Variants in IGSF10 observed in about 807,000 individuals in gnomAD.
IGSF10 encodes calvaria mechanical force protein 608.
In IGSF10, 126 loss-of-function variants were observed where a neutral mutation model predicts 128.2. The ratio of observed to expected loss-of-function variants is 0.98; its 90% CI spans 0.85 to 1.14. The LOEUF (loss-of-function observed/expected upper bound fraction) is 1.14, where lower values mean the gene tolerates loss of function less well. Ranked by LOEUF, IGSF10 falls within the 50% of genes most tolerant of loss-of-function variation. The probability of loss-of-function intolerance (pLI) is 0.00; values close to 1 mark genes in which losing one functional copy is unlikely to be tolerated. For synonymous variants in IGSF10, 1,185 were observed against 1,146.2 expected, an observed-to-expected ratio of 1.03 and a Z score of -0.68; for missense variants, 3,295 against 3,149.8, an observed-to-expected ratio of 1.05 and a Z score of -1.10.
chr3:151,485,248 A>G, the IGSF10 span, among the ~76,000 whole-genome samples: 125,318 of 151,862 alleles, frequency 0.83, 51,773 homozygotes, highest in Middle Eastern at 0.94. Flanking sequence ...GACATGATTA[A>G]AAAAAAAAGA....
the IGSF10 span, among the ~76,000 whole-genome samples, chr3:151,543,933 G>C: frequency 1.3e-5 from 2 of 152,104 alleles, no homozygotes; most frequent in African/African-American, 2.4e-5. Context: ...TTATTGAGAC[G>C]GAGTTTTACT....
downstream of IGSF10, chr3:151,433,974 A>G (rs557495897): frequency 4.6e-5 from 7 of 152,762 alleles, no homozygotes; most frequent in African/African-American, 1.7e-4. Context: ...ATTTGCTCCT[A>G]TTAGAGTAAA....
chr3:151,505,468 G>GA, the IGSF10 span, among the ~76,000 whole-genome samples: 18 of 152,180 alleles, frequency 1.2e-4, no homozygotes, highest in East Asian at 1.9e-4. Flanking sequence ...ATTTAGTGAG[G>GA]AAAAAAATCA....
chr3:151,515,351 A>C, the IGSF10 span, among the ~76,000 whole-genome samples: 1 of 151,616 alleles, frequency 6.6e-6, no homozygotes, highest in Non-Finnish European at 1.5e-5. Context: ...CATCATTCTC[A>C]GCAAACTATC....
the IGSF10 span, among the ~76,000 whole-genome samples, chr3:151,540,746 C>T: frequency 1.3e-5 from 2 of 152,154 alleles, no homozygotes; most frequent in Admixed American, 1.3e-4. Context: ...TATACACCCA[C>T]CAGCAGTGTA....
Position 151,453,722 on chromosome 3 carries a change from T to TA in IGSF10, c.376dup (p.Tyr126LeufsTer17), listed in dbSNP as rs752110843. On this transcript the variant is annotated frameshift_variant, in exon 5 of 8. Coordinates refer to ENST00000282466, the MANE Select transcript of IGSF10 (RefSeq NM_178822.5). LOFTEE classifies it high-confidence loss of function. Reference sequence around the variant, plus strand: ...CAATCGTGTCAAGCTCCTGAGGCCATAAAAAGTATCTTTCTGAAGTTTTCG... The same window carrying TA: ...CAATCGTGTCAAGCTCCTGAGGCCATAAAAAAGTATCTTTCTGAAGTTTTCG... The TA allele has an allele frequency of 3.8e-6, 6 of 1,598,732 alleles. No homozygotes were observed. The South Asian group carries it at 5.7e-5, about 15-fold the overall frequency.
At chr3:151,591,413 T>C in the IGSF10 span, among the ~76,000 whole-genome samples, 1 of 146,992 alleles carries the variant, frequency 6.8e-6, no homozygotes, top group Non-Finnish European at 1.5e-5. Context: ...TATAAATATA[T>C]AATATATTTA....
At chr3:151,441,288 T>C (rs910792870) in intron 7 of IGSF10, among the ~76,000 whole-genome samples, 3 of 152,196 alleles carry the variant, frequency 2.0e-5, no homozygotes, top group African/African-American at 7.2e-5. Flanking sequence ...AAATAGAAGG[T>C]TTCCCAGAGT....
At chr3:151,561,223 A>C in the IGSF10 span, among the ~76,000 whole-genome samples, 1 of 152,136 alleles carries the variant, frequency 6.6e-6, no homozygotes, top group Non-Finnish European at 1.5e-5. Flanking sequence ...TACCCCTAAA[A>C]GTTTTTGATA....
the IGSF10 span, among the ~76,000 whole-genome samples, chr3:151,515,081 C>A: frequency 6.6e-6 from 1 of 152,086 alleles, no homozygotes; most frequent in Non-Finnish European, 1.5e-5. Context: ...GGATCTAGAA[C>A]TAGAAATACC....
the IGSF10 span, among the ~76,000 whole-genome samples, chr3:151,619,558 A>AT: frequency 6.6e-6 from 1 of 151,528 alleles, no homozygotes; most frequent in Non-Finnish European, 1.5e-5. Flanking sequence ...ATTTGTTTGT[A>AT]TTTTTTCCAG....
chr3:151,434,478 A>AAAACT (rs1719872389), downstream of IGSF10: 2 of 152,200 alleles, frequency 1.3e-5, no homozygotes, highest in East Asian at 3.9e-4. Flanking sequence ...CAAAACATTA[A>AAAACT]AAACTATTCT....
Position 151,455,116 on chromosome 3 carries a change from GT to G in IGSF10, c.325-1343del, listed in dbSNP as rs558135101. Among the ~76,000 whole-genome samples, 325 of 144,554 alleles carry G rather than the reference GT, an allele frequency of 2.2e-3. 2 individuals carry two copies. Among genetic ancestry groups the G allele is most frequent in the African/African-American group, 7.3e-3 (288 of 39,710 alleles). 94.8% of individuals were successfully genotyped at this position (144,554 alleles called of 152,430 possible). On this transcript the variant is annotated intron_variant, in intron 4 of 7. Coordinates refer to ENST00000282466, the MANE Select transcript of IGSF10 (RefSeq NM_178822.5). ...AAATAAAGTTTCTTTTTTGCGTTTT[GT>G]TTTTTTTTTTGAGATGGAGTTTCAC...
Position 151,447,905 on chromosome 3 carries a change from C to A in IGSF10, c.2076G>T (p.Glu692Asp). 1 of 1,614,058 alleles carries A rather than the reference C, an allele frequency of 6.2e-7. No homozygotes were observed. The change falls in exon 6 of 8, where the codon GAG (glutamate) becomes GAT (aspartate). Residue 692 changes from glutamate (E) to aspartate (D), a missense_variant. Coordinates refer to ENST00000282466, the MANE Select transcript of IGSF10 (RefSeq NM_178822.5). Reference protein sequence around the residue: ...DESNPIAHLKEPPGAQLRTSA... With the variant: ...DESNPIAHLKDPPGAQLRTSA... The stretch of plus-strand genomic sequence containing the variant: ...ATGTACGGAGTTGTGCACCTGGTGG[C>A]TCCTTAAGATGAGCAATAGGATTGG...
upstream of IGSF10, among the ~76,000 whole-genome samples, chr3:151,463,535 TTTTTTTTTTTTTTTTTTTTTTTTTTTC>T (rs1456424855): frequency 6.7e-4 from 35 of 52,158 alleles, 1 homozygote; most frequent in South Asian, 0.01. Context: ...TTTTTTTTTT[TTTTTTTTTTTTTTTTTTTTTTTTTTTC>T]TGAGACGGAG....
chr3:151,614,505 G>A, the IGSF10 span, among the ~76,000 whole-genome samples: 1 of 152,160 alleles, frequency 6.6e-6, no homozygotes, highest in Non-Finnish European at 1.5e-5. Context: ...AATATGATGA[G>A]TTCATGTCCT....
At chr3:151,575,029 G>T in the IGSF10 span, among the ~76,000 whole-genome samples, 1 of 152,304 alleles carries the variant, frequency 6.6e-6, no homozygotes, top group Non-Finnish European at 1.5e-5. Context: ...GACCCTGTTT[G>T]CCTGGGTATT....
chr3:151,516,649 A>G, the IGSF10 span, among the ~76,000 whole-genome samples: 1 of 151,906 alleles, frequency 6.6e-6, no homozygotes, highest in Non-Finnish European at 1.5e-5. Context: ...GAAGGGCATC[A>G]TTTGTTAAGT....
the IGSF10 span, among the ~76,000 whole-genome samples, chr3:151,544,772 G>A: frequency 6.7e-6 from 1 of 150,288 alleles, no homozygotes; most frequent in Non-Finnish European, 1.5e-5. Flanking sequence ...TATTATGCAT[G>A]CGATAGGCCC....
Sources: gnomAD v4.1 joint callset for allele counts (sites outside exome capture counted in the v4.1 genomes callset) on GRCh38, gnomAD v4.1.1 for gene constraint, MANE v1.5 for transcripts, NCBI Gene and HGNC (gene_info 2026-07-23, HGNC 2026-07-21) for gene names.